Variants in EXD3 observed in about 807,000 individuals in gnomAD.
EXD3 encodes exonuclease 3'-5' domain containing 3.
In EXD3, 92 loss-of-function variants were observed where a neutral mutation model predicts 98.0. The observed-to-expected ratio is 0.94, with a 90% CI of 0.79 to 1.12. The LOEUF is 1.12. Ranked by LOEUF, EXD3 falls within the 50% of genes most tolerant of loss-of-function variation. EXD3 has a pLI of 0.00. For missense variants in EXD3, 1,222 were observed against 1,191.6 expected, an observed-to-expected ratio of 1.03 and a Z score of -0.38; for synonymous variants, 569 against 526.0, an observed-to-expected ratio of 1.08 and a Z score of -1.12.
intron 17 of EXD3, among the ~76,000 whole-genome samples, chr9:137,332,183 G>A (rs1439858749): frequency 1.3e-5 from 2 of 152,216 alleles, no homozygotes; most frequent in East Asian, 3.8e-4. Context: ...TATAGATTCA[G>A]TGCAATTCCT....
chr9:137,353,663 C>T, intron 10 of EXD3: 2 of 985,790 alleles, frequency 2.0e-6, no homozygotes, highest in South Asian at 4.7e-5. Context: ...GGACCCTCAG[C>T]CCCCGCTGGG....
intron 17 of EXD3, among the ~76,000 whole-genome samples, chr9:137,328,742 C>T (rs866743654): frequency 9.2e-3 from 150 of 16,292 alleles, no homozygotes; most frequent in East Asian, 0.2. Context: ...CTACACGGGG[C>T]TACACGGGAC....
At chr9:137,322,016 G>A (rs1034736668) in intron 19 of EXD3, among the ~76,000 whole-genome samples, 37 of 152,340 alleles carry the variant, frequency 2.4e-4, no homozygotes, top group African/African-American at 8.7e-4. Flanking sequence ...GGGGACAGGA[G>A]AGGAGGGAGA....
chr9:137,329,943 T>TAC (rs1832900968), intron 17 of EXD3, among the ~76,000 whole-genome samples: 5 of 3,090 alleles, frequency 1.6e-3, no homozygotes, highest in Admixed American at 3.1e-3. Flanking sequence ...CACAGGACTA[T>TAC]GCAGGACCAC....
intron 1 of EXD3, among the ~76,000 whole-genome samples, chr9:137,396,055 C>T (rs750155636): frequency 6.6e-6 from 1 of 151,890 alleles, no homozygotes; most frequent in African/African-American, 2.4e-5. Flanking sequence ...GCAACCTCCG[C>T]CTTCCGGGTT....
At position 137,373,599 on chromosome 9, in the gene EXD3, G is replaced by A; in HGVS notation, c.121C>T (p.Leu41Phe). ...TLWSTRERKQ[L>F]REEAWRGFAA... ...AACCCCCGCCAGGCTTCCTCCCGGA[G>A]CTGTGGAGACACAAAACCACACTGG... The change falls in exon 4 of 22, where the codon CTC becomes TTC. Residue 41 changes from leucine (L) to phenylalanine (F), a missense_variant and splice_region_variant. Coordinates refer to ENST00000340951, the MANE Select transcript of EXD3 (RefSeq NM_017820.5). 6.3e-7 allele frequency: 1 copy of A among 1,596,682 alleles called. No individual in the cohort carries two copies.
chr9:137,391,115 C>T (rs1216754767), intron 2 of EXD3, among the ~76,000 whole-genome samples: 1 of 152,088 alleles, frequency 6.6e-6, no homozygotes, highest in Non-Finnish European at 1.5e-5. Flanking sequence ...AGCAGGGCCT[C>T]GGCCGCCGCC....
At position 137,392,469 on chromosome 9, in the gene EXD3, G is replaced by A. The variant is rs956038286; in HGVS notation, c.55+2834C>T. 4.1e-5 allele frequency: 7 copies of A among 172,062 alleles called. No individual in the cohort carries two copies. In the South Asian group the frequency reaches 8.3e-4, roughly 20 times the overall value. 10.7% of individuals were successfully genotyped at this position (172,062 alleles called of 1,614,324 possible). A position where few individuals can be genotyped will look rare whatever the true frequency, so the allele number is the denominator to read the frequency against. On this transcript the variant is annotated intron_variant, in intron 2 of 21. Transcript: ENST00000340951. ...TGGCACGGACAGGTGTCCAGGCAGCGAGGCGGGGCCAGCACAGGGGCCAGG... is the reference window on the plus strand; with the variant it reads ...TGGCACGGACAGGTGTCCAGGCAGCAAGGCGGGGCCAGCACAGGGGCCAGG...
At chr9:137,368,876 G>A (rs1436686271) in intron 5 of EXD3, among the ~76,000 whole-genome samples, 1 of 151,250 alleles carries the variant, frequency 6.6e-6, no homozygotes, top group Non-Finnish European at 1.5e-5. Context: ...GCCGTGGGGA[G>A]GGGCGAAGGT....
intron 10 of EXD3, chr9:137,353,894 T>C: frequency 1.0e-6 from 1 of 993,500 alleles, no homozygotes; most frequent in Non-Finnish European, 1.2e-6. Flanking sequence ...GGTTCCCACG[T>C]GGACGACAAT....
At chr9:137,343,386 T>A (rs992936358) in intron 17 of EXD3, 9 of 151,752 alleles carry the variant, frequency 5.9e-5, no homozygotes, top group African/African-American at 2.2e-4. Context: ...CATCTTTTTC[T>A]TTCCCACCTT....
At chr9:137,341,145 G>C (rs1375271819) in intron 17 of EXD3, among the ~76,000 whole-genome samples, 2 of 152,174 alleles carry the variant, frequency 1.3e-5, no homozygotes, top group Admixed American at 6.6e-5. Context: ...GCGAGATCCT[G>C]TCTCCATGAA....
At chr9:137,353,750 G>C in intron 10 of EXD3, 3 of 985,690 alleles carry the variant, frequency 3.0e-6, no homozygotes, top group Non-Finnish European at 3.6e-6. Context: ...ATGGCCTTGA[G>C]TGTCAGGCGG....
intron 1 of EXD3, among the ~76,000 whole-genome samples, chr9:137,412,721 C>T (rs1838058193): frequency 6.6e-6 from 1 of 152,226 alleles, no homozygotes; most frequent in South Asian, 2.1e-4. Context: ...AGCCTTGACT[C>T]ACACACTGTG....
chr9:137,377,559 A>T (rs1835974553), intron 3 of EXD3, among the ~76,000 whole-genome samples: 1 of 151,344 alleles, frequency 6.6e-6, no homozygotes, highest in African/African-American at 2.4e-5. Flanking sequence ...GGATCGCTTG[A>T]GGTCAGAAGT....
intron 2 of EXD3, among the ~76,000 whole-genome samples, chr9:137,390,960 G>C (rs187603033): frequency 6.6e-6 from 1 of 152,254 alleles, no homozygotes; most frequent in African/African-American, 2.4e-5. Context: ...TGACCTCGTC[G>C]TGGGACAGGG....
rs1588434185 is a variant in EXD3, at chr9:137,407,256, T to G, written c.-47-11852A>C. ...CCCGCACGCCCAGGCTGGGTCTCCG[T>G]TTCCCACCAGGCCAGCGCTGCAGGC... On this transcript the variant is annotated intron_variant, in intron 1 of 21. Coordinates refer to ENST00000340951, the MANE Select transcript of EXD3 (RefSeq NM_017820.5). This position sits in a 1 kb window ranked among gnomAD's most constrained non-coding sequence, Gnocchi z 4.4. Among the ~76,000 whole-genome samples, 1 of 152,190 alleles carries G rather than the reference T, an allele frequency of 6.6e-6. No individual in the cohort carries two copies. Among genetic ancestry groups the G allele is most frequent in the South Asian group, 2.1e-4 (1 of 4,808 alleles).
intron 1 of EXD3, among the ~76,000 whole-genome samples, chr9:137,416,189 C>G (rs975688910): frequency 2.4e-4 from 36 of 152,204 alleles, no homozygotes; most frequent in Admixed American, 2.0e-4. Flanking sequence ...TTTCGCTCTT[C>G]TGCAGTGCCT....
chr9:137,356,005 A>G (rs1834763841), intron 8 of EXD3, among the ~76,000 whole-genome samples: 1 of 152,168 alleles, frequency 6.6e-6, no homozygotes, highest in Non-Finnish European at 1.5e-5. Flanking sequence ...GCAGCCAGGC[A>G]GGAGGCAGGA....
Sources: gnomAD v4.1 joint callset for allele counts (sites outside exome capture counted in the v4.1 genomes callset) on GRCh38, gnomAD v4.1.1 for gene constraint, Gnocchi (gnomAD v3.1) non-coding constraint, MANE v1.5 for transcripts, NCBI Gene and HGNC (gene_info 2026-07-23, HGNC 2026-07-21) for gene names.